Variants in LRP2BP observed in about 807,000 individuals in gnomAD.
LRP2BP encodes LRP2 binding protein.
LRP2BP carries 38 observed loss-of-function variants against 45.2 expected under a neutral mutation model. The ratio of observed to expected loss-of-function variants is 0.84; its 90% CI spans 0.65 to 1.10. The LOEUF (loss-of-function observed/expected upper bound fraction) is 1.10. Ranked by LOEUF, LRP2BP falls within the 50% of genes least tolerant of loss-of-function variation. The pLI is 0.00. For synonymous variants in LRP2BP, 153 were observed against 153.9 expected (o/e 0.99, Z 0.04); for missense variants, 385 against 418.9 (o/e 0.92, Z 0.71).
At position 185,364,072 on chromosome 4, in the gene LRP2BP, C is replaced by T. The variant is rs183824035; in HGVS notation, c.*3108G>A. The T allele has an allele frequency of 1.0e-3, 155 of 152,648 alleles. 2 individuals carry two copies. Among genetic ancestry groups the T allele is most frequent in the Non-Finnish European group, 4.1e-4 (28 of 68,046 alleles). 9.5% of individuals were successfully genotyped at this position (152,648 alleles called of 1,614,324 possible). On this transcript the variant is annotated 3_prime_UTR_variant, in exon 9 of 9. Coordinates refer to ENST00000505916, the MANE Select transcript of LRP2BP (RefSeq NM_001377440.1). ...GCCTTTTTAGAGAAAACACTATGTA[C>T]TTAACTACTTCTGCAGGGAAGTAAA...
Position 185,367,234 on chromosome 4 carries a change from C to T in LRP2BP, c.990G>A (p.Leu330=), listed in dbSNP as rs138661740. The change falls in exon 9 of 9, where the codon CTG becomes CTA. Residue 330 remains leucine (L), a synonymous_variant. Transcript: ENST00000505916. ...AKHYYSKACR[L]NPALADELHS... ...GAAGTTCATCTGCCAATGCGGGATT[C>T]AGACGACAAGCCTTAAAATCAAAAA... 2.5e-6 allele frequency: 4 copies of T among 1,611,138 alleles called. No individual in the cohort carries two copies. The highest frequency in any genetic ancestry group is 1.7e-4 in the Middle Eastern group (1 of 6,054).
upstream of LRP2BP, chr4:185,397,020 T>A: frequency 6.2e-7 from 1 of 1,610,822 alleles, no homozygotes; most frequent in Non-Finnish European, 8.5e-7. Flanking sequence ...GTCTTCTCGT[T>A]AATGCGGGGA....
chr4:185,395,259 A>G lies in LRP2BP; in HGVS notation c.-502T>C. 1 of 985,498 alleles carries G rather than the reference A, an allele frequency of 1.0e-6. No homozygotes were observed. The highest frequency in any genetic ancestry group is 1.2e-6 in the Non-Finnish European group (1 of 829,940). The allele number at this position is 985,498 out of a possible 1,614,324, so 61.0% of individuals were successfully genotyped here. A position where few individuals can be genotyped will look rare whatever the true frequency, so the allele number is the denominator to read the frequency against. On this transcript the variant is annotated 5_prime_UTR_variant, in exon 1 of 9. Transcript: ENST00000505916. ...ACTGAACAGAATCTTGTTTCAAAGA[A>G]AAGATATGAAATATGGAGGCACTTT...
chr4:185,385,980 G>C (rs540252049), intron 1 of LRP2BP, among the ~76,000 whole-genome samples: 1 of 152,036 alleles, frequency 6.6e-6, no homozygotes, highest in South Asian at 2.1e-4. Context: ...TATCTTCAGG[G>C]GAAGTTGTGT....
At position 185,372,875 on chromosome 4, in the gene LRP2BP, A is replaced by T. The variant is rs750569940; in HGVS notation, c.784T>A (p.Cys262Ser). Reference sequence around the variant, plus strand: ...ATTCACCTTTTGGAAAATGCAACACACTTTGTAAAAAATTTCATCTTATAG... The same window carrying T: ...ATTCACCTTTTGGAAAATGCAACACTCTTTGTAAAAAATTTCATCTTATAG... ...YYYKMKFFTK[C>S]VAFSKRIADY... The change falls in exon 7 of 9, where the codon TGT becomes AGT. Residue 262 changes from cysteine (C) to serine (S), a missense_variant. Physicochemically the swap from Cys to Ser is moderately radical, Grantham distance 112 (BLOSUM62 -1). Transcript: ENST00000505916. 1.4e-5 allele frequency: 23 copies of T among 1,608,388 alleles called. No homozygotes were observed. In the Admixed American group the frequency reaches 3.2e-4, roughly 22 times the overall value.
chr4:185,374,060 C>T, intron 6 of LRP2BP, 75 bp downstream of exon 6: 1 of 1,211,706 alleles, frequency 8.3e-7, no homozygotes. Context: ...CATTCCCCAC[C>T]ATTTTCTCAA....
At chr4:185,379,555 TAAAAG>T (rs1366599753) in intron 1 of LRP2BP, among the ~76,000 whole-genome samples, 1 of 152,198 alleles carries the variant, frequency 6.6e-6, no homozygotes, top group Non-Finnish European at 1.5e-5. Flanking sequence ...TGCTGTAGCT[TAAAAG>T]AAGTTTTGGA....
At chr4:185,396,662 C>T, upstream of LRP2BP, 2 of 503,858 alleles carry the variant, frequency 4.0e-6, no homozygotes, top group South Asian at 5.1e-5. Context: ...CCTCCCCCTG[C>T]CCCCGGCGCC....
chr4:185,375,632 A>G lies in LRP2BP; in HGVS notation c.311T>C (p.Leu104Pro), dbSNP rs770527435. ...ACTTACAGCGTCTAGAGTGGTCCCC[A>G]GCCCATCATAGTACATCACTCCTAG... Reference protein sequence around the residue: ...YQLGVMYYDGLGTTLDAEKGV... With the variant: ...YQLGVMYYDGPGTTLDAEKGV... Residue 104 changes from leucine (L) to proline (P), a missense_variant, in exon 4 of 9, where the codon CTG becomes CCG. Physicochemically the swap from Leu to Pro is moderately conservative, Grantham distance 98. Coordinates refer to ENST00000505916, the MANE Select transcript of LRP2BP (RefSeq NM_001377440.1). The G allele has an allele frequency of 6.2e-7, 1 of 1,608,708 alleles. No homozygotes were observed. Among genetic ancestry groups the G allele is most frequent in the Non-Finnish European group, 8.5e-7 (1 of 1,177,452 alleles).
chr4:185,385,282 TAC>T (rs1214603711), intron 1 of LRP2BP, among the ~76,000 whole-genome samples: 4 of 151,934 alleles, frequency 2.6e-5, no homozygotes, highest in South Asian at 2.1e-4. Context: ...CCGATACTGT[TAC>T]AGTTATAAAT....
intron 4 of LRP2BP, among the ~76,000 whole-genome samples, chr4:185,374,807 G>C (rs1388289851): frequency 6.6e-6 from 1 of 152,012 alleles, no homozygotes; most frequent in East Asian, 1.9e-4. Flanking sequence ...ACAGTTCTTA[G>C]AACTGGCTAA....
At chr4:185,382,840 A>T (rs113961396) in intron 1 of LRP2BP, among the ~76,000 whole-genome samples, 1 of 151,906 alleles carries the variant, frequency 6.6e-6, no homozygotes, top group African/African-American at 2.4e-5. Context: ...CAGTTTTTCT[A>T]TTTTTTCTTT....
chr4:185,388,381 T>C (rs1028333712), intron 1 of LRP2BP, among the ~76,000 whole-genome samples: 1 of 133,138 alleles, frequency 7.5e-6, no homozygotes, highest in Non-Finnish European at 1.6e-5. Context: ...TATTTCTGCC[T>C]ACCTACTAAC....
intron 7 of LRP2BP, among the ~76,000 whole-genome samples, chr4:185,371,611 A>G (rs899375618): frequency 6.6e-6 from 1 of 152,048 alleles, no homozygotes; most frequent in Non-Finnish European, 1.5e-5. Flanking sequence ...AAATATGTAC[A>G]ATTGTGTGAG....
At position 185,395,716 on chromosome 4, in the gene LRP2BP, A is replaced by C. The variant is rs1401818619; in HGVS notation, c.-959T>G. 2 of 985,360 alleles carry C rather than the reference A, an allele frequency of 2.0e-6. No individual in the cohort carries two copies. Among genetic ancestry groups the C allele is most frequent in the African/African-American group, 3.5e-5 (2 of 57,258 alleles). 61.0% of individuals were successfully genotyped at this position (985,360 alleles called of 1,614,324 possible). A position where few individuals can be genotyped will look rare whatever the true frequency, so the allele number is the denominator to read the frequency against. ...TGCAAATTTTATGGCTCTTACTACA[A>C]AACAAAAAGTAGAATGAAAAGACCA... On this transcript the variant is annotated 5_prime_UTR_variant, in exon 1 of 9. Coordinates refer to ENST00000505916, the MANE Select transcript of LRP2BP (RefSeq NM_001377440.1).
At chr4:185,369,009 G>C (rs751429395) in intron 8 of LRP2BP, among the ~76,000 whole-genome samples, 3 of 151,868 alleles carry the variant, frequency 2.0e-5, no homozygotes, top group Non-Finnish European at 4.4e-5. Context: ...GGACAGGTTG[G>C]TCTCACACTC....
rs2095443337 is a variant in LRP2BP, at chr4:185,377,873, ACCTAAC to A, written c.106+202_106+207del. The A allele has an allele frequency of 8.0e-6, 4 of 497,544 alleles. No individual in the cohort carries two copies. The East Asian group carries it at 1.3e-4, about 17-fold the overall frequency. The allele number at this position is 497,544 out of a possible 1,614,324, so 30.8% of individuals were successfully genotyped here. ...CTTAAGTCCTGAGAGTAAAATCAAGACCTAACTATCTGTGAGACCTCACTGACGATT... is the reference window on the plus strand; with the variant it reads ...CTTAAGTCCTGAGAGTAAAATCAAGATATCTGTGAGACCTCACTGACGATT... On this transcript the variant is annotated intron_variant, in intron 2 of 8. Coordinates refer to ENST00000505916, the MANE Select transcript of LRP2BP (RefSeq NM_001377440.1).
intron 1 of LRP2BP, among the ~76,000 whole-genome samples, chr4:185,386,657 C>T (rs1407724985): frequency 6.6e-6 from 1 of 152,176 alleles, no homozygotes; most frequent in African/African-American, 2.4e-5. Context: ...CTGGCCCAAA[C>T]TTTTGGCTAT....
intron 1 of LRP2BP, among the ~76,000 whole-genome samples, chr4:185,394,209 A>G (rs1185593537): frequency 6.7e-6 from 1 of 148,244 alleles, no homozygotes; most frequent in East Asian, 2.1e-4. Flanking sequence ...CAGTGAGCTG[A>G]GATCACGCCA....
Sources: allele counts gnomAD v4.1 joint callset (sites outside exome capture counted in the v4.1 genomes callset), GRCh38; gene constraint gnomAD v4.1.1; transcripts MANE v1.5; gene names NCBI Gene and HGNC (gene_info 2026-07-23, HGNC 2026-07-21).